The following VPS13A variants were observed in gnomAD, a reference collection of about 807,000 sequenced individuals.
VPS13A encodes vacuolar protein sorting 13 homolog A.
In VPS13A, 264 loss-of-function variants were observed where a neutral mutation model predicts 390.9. That is an observed-to-expected ratio of 0.68 (90% CI 0.61 to 0.75). The LOEUF is 0.75. Ranked by LOEUF, VPS13A falls within the 30% of genes least tolerant of loss-of-function variation. The pLI, the probability that VPS13A is intolerant of heterozygous loss-of-function variation, is 0.00. For missense variants in VPS13A, 3,409 were observed against 3,733.9 expected, an observed-to-expected ratio of 0.91 and a Z score of 2.27; for synonymous variants, 1,231 against 1,227.1, an observed-to-expected ratio of 1.00 and a Z score of -0.07.
chr9:77,248,124 C>CTA (rs941749515), intron 20 of VPS13A, among the ~76,000 whole-genome samples: 7 of 151,984 alleles, frequency 4.6e-5, no homozygotes, highest in East Asian at 3.9e-4. Flanking sequence ...GTGCATAAAA[C>CTA]TATATATATA....
intron 8 of VPS13A, 35 bp from the exon 9 acceptor site, chr9:77,213,199 A>G: frequency 3.1e-6 from 5 of 1,598,986 alleles, no homozygotes; most frequent in Non-Finnish European, 4.3e-6. Context: ...AAATTCTTCA[A>G]AGAAAATGAG....
intron 68 of VPS13A, among the ~76,000 whole-genome samples, chr9:77,385,360 A>G (rs1405325616): frequency 4.6e-5 from 7 of 151,924 alleles, no homozygotes; most frequent in African/African-American, 9.7e-5. Context: ...TTTGTTTCAC[A>G]TATTTTTTGT....
intron 31 of VPS13A, 24 bp from the exon 32 acceptor site, chr9:77,293,317 A>G (rs1827785972): frequency 1.3e-6 from 2 of 1,581,152 alleles, no homozygotes; most frequent in Non-Finnish European, 1.7e-6. Context: ...ATGGATTGTG[A>G]TAATTAAATT....
At chr9:77,259,346 A>G (rs1427815461) in intron 22 of VPS13A, among the ~76,000 whole-genome samples, 1 of 152,246 alleles carries the variant, frequency 6.6e-6, no homozygotes, top group Non-Finnish European at 1.5e-5. Context: ...ATGTTTAACA[A>G]AGTTAAACTA....
At chr9:77,250,041 T>A in intron 20 of VPS13A, 56 bp from the exon 21 acceptor site, 1 of 1,584,710 alleles carries the variant, frequency 6.3e-7, no homozygotes, top group Non-Finnish European at 8.6e-7. Flanking sequence ...TTAAACACTT[T>A]ATACTTACAT....
rs1337788765 is a variant in VPS13A at position 77,252,274 on chromosome 9, C to A, written c.2210C>A (p.Thr737Asn). 3.1e-6 allele frequency: 5 copies of A among 1,613,982 alleles called. No individual in the cohort carries two copies. The highest frequency in any genetic ancestry group is 4.2e-6 in the Non-Finnish European group (5 of 1,179,920). ...GAAGCACGAAAACTCAGTGTATCTA[C>A]CCAGCATATTTTGGTACCCATGCAC... ...WREARKLSVSTQHILVPMHFN... is the reference protein window; with the variant it reads ...WREARKLSVSNQHILVPMHFN... Residue 737 changes from threonine (T) to asparagine (N), a missense_variant, in exon 22 of 72, where the codon ACC becomes AAC. Physicochemically the swap from Thr to Asn is moderately conservative, Grantham distance 65. Transcript: ENST00000360280.
intron 34 of VPS13A, among the ~76,000 whole-genome samples, chr9:77,307,236 G>GT (rs1444287835): frequency 6.6e-6 from 1 of 152,098 alleles, no homozygotes; most frequent in African/African-American, 2.4e-5. Flanking sequence ...TTAGTTCCTA[G>GT]TTTATGTGTG....
intron 68 of VPS13A, among the ~76,000 whole-genome samples, chr9:77,398,379 A>G (rs1834205340): frequency 6.6e-6 from 1 of 152,160 alleles, no homozygotes; most frequent in African/African-American, 2.4e-5. Context: ...AGTCACTTAG[A>G]TGTACTCTTA....
chr9:77,254,146 T>G (rs2131277597), intron 22 of VPS13A, among the ~76,000 whole-genome samples: 1 of 152,000 alleles, frequency 6.6e-6, no homozygotes, highest in East Asian at 1.9e-4. Flanking sequence ...GGTTTCACCG[T>G]GCCAGCCAGG....
intron 1 of VPS13A, among the ~76,000 whole-genome samples, chr9:77,186,210 T>G (rs1824323440): frequency 6.6e-6 from 1 of 152,188 alleles, no homozygotes; most frequent in African/African-American, 2.4e-5. Context: ...GTATACAGAT[T>G]CCTCCCTTCT....
rs180717819 is a variant in VPS13A, at chr9:77,343,351, A to T, written c.7027-802A>T. Among the ~76,000 whole-genome samples, 106 of 152,276 alleles carry T rather than the reference A, an allele frequency of 7.0e-4. 2 individuals are homozygous for T. The highest frequency in any genetic ancestry group is 6.0e-3 in the Admixed American group (92 of 15,300). Reference sequence around the variant, plus strand: ...ATAAAACTGTCTTTAACAAGCTAAGACACTTAGCTCTAACAACCAGGTTCT... The same window carrying T: ...ATAAAACTGTCTTTAACAAGCTAAGTCACTTAGCTCTAACAACCAGGTTCT... On this transcript the variant is annotated intron_variant, in intron 50 of 71. Transcript: ENST00000360280.
At chr9:77,275,789 C>A in intron 25 of VPS13A, 137 bp downstream of exon 25, 4 of 1,049,676 alleles carry the variant, frequency 3.8e-6, no homozygotes, top group Non-Finnish European at 5.6e-6. Context: ...CTGTGTGATT[C>A]TTGGTCACTC....
intron 23 of VPS13A, among the ~76,000 whole-genome samples, chr9:77,265,564 A>G (rs1157152351): frequency 6.6e-6 from 1 of 151,970 alleles, no homozygotes; most frequent in Admixed American, 6.6e-5. Flanking sequence ...TTTCTTCTAG[A>G]TTTTTGTAGT....
intron 68 of VPS13A, among the ~76,000 whole-genome samples, chr9:77,398,934 A>G (rs868526835): frequency 7.1e-6 from 1 of 141,336 alleles, no homozygotes; most frequent in Non-Finnish European, 1.5e-5. Context: ...ACCAAACACC[A>G]CATATTCTCA....
intron 22 of VPS13A, among the ~76,000 whole-genome samples, chr9:77,259,125 T>A (rs1433624963): frequency 2.0e-5 from 3 of 152,136 alleles, no homozygotes; most frequent in Admixed American, 1.3e-4. Flanking sequence ...GTGAGCAGTA[T>A]AAAGTGGATA....
At chr9:77,237,697 A>G (rs1397157050) in intron 17 of VPS13A, among the ~76,000 whole-genome samples, 1 of 152,208 alleles carries the variant, frequency 6.6e-6, no homozygotes, top group African/African-American at 2.4e-5. Context: ...AGAAGAAAAC[A>G]TGTTTATAGA....
intron 68 of VPS13A, among the ~76,000 whole-genome samples, chr9:77,394,671 C>CT (rs1159202154): frequency 1.3e-5 from 2 of 152,244 alleles, no homozygotes; most frequent in African/African-American, 2.4e-5. Context: ...CAATAGAAGT[C>CT]TATCTCATCT....
chr9:77,396,579 A>G (rs1194145263), intron 68 of VPS13A, among the ~76,000 whole-genome samples: 2 of 152,160 alleles, frequency 1.3e-5, no homozygotes, highest in Non-Finnish European at 2.9e-5. Context: ...AATTTCTACT[A>G]TATTTGATTG....
chr9:77,306,318 A>G (rs1828737162), intron 34 of VPS13A, among the ~76,000 whole-genome samples: 1 of 151,986 alleles, frequency 6.6e-6, no homozygotes, highest in South Asian at 2.1e-4. Flanking sequence ...TGTTGTTTTG[A>G]CAAACTTAGA....
Sources: gnomAD v4.1 joint callset for allele counts (sites outside exome capture counted in the v4.1 genomes callset) on GRCh38, gnomAD v4.1.1 for gene constraint, MANE v1.5 for transcripts, NCBI Gene and HGNC (gene_info 2026-07-23, HGNC 2026-07-21) for gene names.